ANK1: variants seen among roughly 807,000 people sequenced by gnomAD.
ANK1 encodes the protein ankyrin 1.
In ANK1, 51 loss-of-function variants were observed where a neutral mutation model predicts 210.4. The ratio of observed to expected loss-of-function variants is 0.24; its 90% CI spans 0.19 to 0.31. The LOEUF (loss-of-function observed/expected upper bound fraction) is 0.31, where lower values mean the gene tolerates loss of function less well. ANK1 is among the 10% of genes least tolerant of loss of function. ANK1 has a pLI of 1.00. For synonymous variants in ANK1, 967 were observed against 1,025.9 expected (o/e 0.94, Z 1.10); for missense variants, 2,051 against 2,504.4 (o/e 0.82, Z 3.86).
In ANK1 at chr8:41,668,342, G is replaced by T. The variant is rs769515022; in HGVS notation, c.5319C>A (p.Ala1773=). The T allele has an allele frequency of 6.2e-7, 1 of 1,614,212 alleles. No homozygotes were observed. Among genetic ancestry groups the T allele is most frequent in the Non-Finnish European group, 8.5e-7 (1 of 1,180,032 alleles). ...GGCCTTGCTGCCTCCGGTCCCTGTCGGCCTGGGAGCTCTCAGCCTCGGGCT... is the reference window on the plus strand; with the variant it reads ...GGCCTTGCTGCCTCCGGTCCCTGTCTGCCTGGGAGCTCTCAGCCTCGGGCT... The part of the protein sequence containing the change: ...TEQPEAESSQ[A]DRDRRQQGQE... Residue 1773 remains alanine (A), a synonymous_variant, in exon 39 of 43, where the codon GCC becomes GCA. Transcript: ENST00000289734.
intron 39 of ANK1, 21 bp from the exon 40 acceptor site, chr8:41,663,763 A>G (rs771224017): frequency 3.1e-6 from 5 of 1,590,952 alleles, no homozygotes; most frequent in African/African-American, 1.3e-5. Flanking sequence ...AGAAAGGGAG[A>G]AAATGCAAGA....
Position 41,694,671 on chromosome 8 carries a change from A to G in ANK1, c.3248T>C (p.Leu1083Pro). ...TACCAGGGGCACCAGCTTGCTCTTC[A>G]GGGAGCCCCCTTCGGGACCGATGGT... The part of the protein sequence containing the change: ...YDTIGPEGGS[L>P]KSKLVPLVQA... Residue 1083 changes from leucine (L) to proline (P), a missense_variant, in exon 28 of 43, where the codon CTG becomes CCG. By Grantham distance (98) the Leu-to-Pro change is moderately conservative (BLOSUM62 -3). Transcript: ENST00000289734. This position sits in a 1 kb window ranked among gnomAD's most constrained non-coding sequence, Gnocchi z 5.7. 1 of 1,614,064 alleles carries G rather than the reference A, an allele frequency of 6.2e-7. No individual in the cohort carries two copies. The highest frequency in any genetic ancestry group is 2.2e-5 in the East Asian group (1 of 44,870).
At chr8:41,896,321 C>A (rs768206816) in intron 1 of ANK1, 6 of 1,578,268 alleles carry the variant, frequency 3.8e-6, no homozygotes, top group Non-Finnish European at 4.3e-6. Flanking sequence ...GCAGGTGCCG[C>A]GGTCGCTGGG....
intron 1 of ANK1, among the ~76,000 whole-genome samples, chr8:41,779,853 A>C (rs1220671818): frequency 1.3e-5 from 2 of 152,208 alleles, no homozygotes; most frequent in Non-Finnish European, 2.9e-5. Flanking sequence ...GGCCACCGCA[A>C]GCATTCTGCT....
intron 21 of ANK1, 72 bp from the exon 22 acceptor site, chr8:41,701,694 C>T (rs1822847370): frequency 4.2e-6 from 6 of 1,427,096 alleles, no homozygotes; most frequent in South Asian, 1.2e-5. Flanking sequence ...CCAGCGGTTC[C>T]CTGGTCATGC....
At chr8:41,828,666 T>C (rs1405029172) in intron 1 of ANK1, 3 of 154,144 alleles carry the variant, frequency 1.9e-5, no homozygotes, top group South Asian at 4.1e-4. Context: ...ATTGTTCTGG[T>C]TCGCACTACA....
intron 1 of ANK1, among the ~76,000 whole-genome samples, chr8:41,832,148 A>T (rs1806793126): frequency 6.6e-6 from 1 of 152,204 alleles, no homozygotes; most frequent in Non-Finnish European, 1.5e-5. Context: ...TGAAAAGAGA[A>T]GTGAATTTTA....
chr8:41,696,391 G>C lies in ANK1; in HGVS notation c.2932C>G (p.Leu978Val). The stretch of plus-strand genomic sequence containing the variant: ...AGGAACTGTGCCCCCGTGGGCCCCA[G>C]TGCTATGATCCTGCTGGCCAGGCCC... Reference protein sequence around the residue: ...EEGLASRIIALGPTGAQFLSP... With the variant: ...EEGLASRIIAVGPTGAQFLSP... Residue 978 changes from leucine (L) to valine (V), a missense_variant, in exon 26 of 43, where the codon CTG becomes GTG. Transcript: ENST00000289734. The C allele has an allele frequency of 6.2e-7, 1 of 1,613,390 alleles. No individual in the cohort carries two copies. Among genetic ancestry groups the C allele is most frequent in the South Asian group, 1.1e-5 (1 of 91,082 alleles).
chr8:41,668,972 A>C (rs1811417151), intron 38 of ANK1, among the ~76,000 whole-genome samples: 1 of 152,010 alleles, frequency 6.6e-6, no homozygotes, highest in Non-Finnish European at 1.5e-5. Context: ...TCATCTGACA[A>C]GGTGGTCATT....
intron 1 of ANK1, among the ~76,000 whole-genome samples, chr8:41,847,480 G>A (rs1228010297): frequency 1.3e-5 from 2 of 150,386 alleles, no homozygotes; most frequent in Admixed American, 6.6e-5. Flanking sequence ...AAGCATCCAC[G>A]AGCTGCTACG....
At position 41,688,210 on chromosome 8, in the gene ANK1, GCT is replaced by G; in HGVS notation, c.4202_4203del (p.Glu1401AlafsTer57). 1 of 1,614,226 alleles carries G rather than the reference GCT, an allele frequency of 6.2e-7. No homozygotes were observed. The highest frequency in any genetic ancestry group is 8.5e-7 in the Non-Finnish European group (1 of 1,180,042). On this transcript the variant is annotated frameshift_variant, in exon 35 of 43. Coordinates refer to ENST00000289734, the MANE Select transcript of ANK1 (RefSeq NM_000037.4). LOFTEE classifies it high-confidence loss of function. Reference sequence around the variant, plus strand: ...ATAACAGCCATCTTCATCTCTGCCTGCTCTGTCCCACTGAGAGAACCTGGGGA... The same window carrying G: ...ATAACAGCCATCTTCATCTCTGCCTGCTGTCCCACTGAGAGAACCTGGGGA... The part of the protein sequence containing the change: ...ESTPGSLSGT[E>X]QAEMKMAVIS...
rs9792131 is a variant in ANK1 at position 41,848,385 on chromosome 8, C to T, written c.126+47970G>A. ...CTCTAGAAGGTTCTTGGCTAAAATG[C>T]GAAGACCTCACAGGGGAAGTGGGAA... On this transcript the variant is annotated intron_variant, in intron 1 of 42. Transcript: ENST00000265709. 5.1e-4 allele frequency among the ~76,000 whole-genome samples: 78 copies of T among 152,240 alleles called. 1 individual carries two copies. The East Asian group carries it at 0.011, about 22-fold the overall frequency.
At chr8:41,769,328 A>G (rs1157442533) in intron 1 of ANK1, among the ~76,000 whole-genome samples, 1 of 152,214 alleles carries the variant, frequency 6.6e-6, no homozygotes, top group Non-Finnish European at 1.5e-5. Context: ...GCTAAAGCCC[A>G]GCTCACCCTC....
intron 2 of ANK1, among the ~76,000 whole-genome samples, chr8:41,746,149 G>A (rs1415114132): frequency 1.3e-5 from 2 of 152,196 alleles, no homozygotes; most frequent in Non-Finnish European, 2.9e-5. Context: ...TCTTCTGGAG[G>A]GCAGGCCTCT....
chr8:41,842,673 T>C (rs930108388), intron 1 of ANK1, among the ~76,000 whole-genome samples: 8 of 152,130 alleles, frequency 5.3e-5, no homozygotes, highest in African/African-American at 1.9e-4. Context: ...TTAGTGCAGA[T>C]GTGGAGGGGC....
At chr8:41,683,241 T>A (rs372260396) in intron 37 of ANK1, among the ~76,000 whole-genome samples, 1 of 151,830 alleles carries the variant, frequency 6.6e-6, no homozygotes, top group East Asian at 2.0e-4. Context: ...GTGGAGACAG[T>A]GGAGACAGGC....
chr8:41,694,205 G>T lies in ANK1; in HGVS notation c.3328-103C>A. ...GTGAGAGTGGCCGTCAGTGCACGGGGTCCCGCCCTGCTGTTGGACCACAGA... is the reference window on the plus strand; with the variant it reads ...GTGAGAGTGGCCGTCAGTGCACGGGTTCCCGCCCTGCTGTTGGACCACAGA... On this transcript the variant is annotated intron_variant, in intron 28 of 42. Coordinates refer to ENST00000289734, the MANE Select transcript of ANK1 (RefSeq NM_000037.4). This position sits in a 1 kb window ranked among gnomAD's most constrained non-coding sequence, Gnocchi z 5.7. The T allele has an allele frequency of 8.0e-7, 1 of 1,248,600 alleles. No homozygotes were observed. 77.3% of individuals were successfully genotyped at this position (1,248,600 alleles called of 1,614,324 possible).
chr8:41,758,352 T>C (rs1442720772), intron 1 of ANK1, among the ~76,000 whole-genome samples: 3 of 152,178 alleles, frequency 2.0e-5, no homozygotes, highest in Non-Finnish European at 4.4e-5. Context: ...TTTTTTGTTT[T>C]GTTTTGTTAA....
rs1820104657 is a variant in ANK1 at position 41,694,021 on chromosome 8, G to A, written c.3409C>T (p.Arg1137Trp). ...TFSPIVTVEP[R>W]RRKFHRPIGL... Reference sequence around the variant, plus strand: ...ATGGGGCGGTGGAACTTCCGGCGCCGGGGCTCCACGGTGACAATGGGGCTG... The same window carrying A: ...ATGGGGCGGTGGAACTTCCGGCGCCAGGGCTCCACGGTGACAATGGGGCTG... The change falls in exon 29 of 43, where the codon CGG becomes TGG. Residue 1137 changes from arginine (R) to tryptophan (W), a missense_variant. Physicochemically the swap from Arg to Trp is moderately radical, Grantham distance 101. Coordinates refer to ENST00000289734, the MANE Select transcript of ANK1 (RefSeq NM_000037.4). The surrounding 1 kb of genome is among the most constrained non-coding windows in gnomAD (Gnocchi z 5.7). 2 of 1,613,872 alleles carry A rather than the reference G, an allele frequency of 1.2e-6. No homozygotes were observed. Among genetic ancestry groups the A allele is most frequent in the Non-Finnish European group, 1.7e-6 (2 of 1,179,938 alleles).
Sources: gnomAD v4.1 joint callset for allele counts (sites outside exome capture counted in the v4.1 genomes callset) on GRCh38, gnomAD v4.1.1 for gene constraint, Gnocchi (gnomAD v3.1) non-coding constraint, MANE v1.5 for transcripts, NCBI Gene and HGNC (gene_info 2026-07-23, HGNC 2026-07-21) for gene names.